The following KIF26B variants were observed in gnomAD, a reference collection of about 807,000 sequenced individuals.
The protein encoded by KIF26B is kinesin-like protein KIF26B.
Under a neutral mutation model 151.2 loss-of-function variants are expected in KIF26B, and 63 were observed. That is an observed-to-expected ratio of 0.42 (90% CI 0.34 to 0.51). The LOEUF (loss-of-function observed/expected upper bound fraction) is 0.51, where lower values mean the gene tolerates loss of function less well. Among genes scored for constraint, KIF26B ranks in the 20% least tolerant of loss-of-function variants. The pLI is 0.07. For missense variants in KIF26B, 2,813 were observed against 2,913.6 expected (o/e 0.97, Z 0.79); for synonymous variants, 1,357 against 1,262.1 (o/e 1.08, Z -1.59).
intron 3 of KIF26B, among the ~76,000 whole-genome samples, chr1:245,405,119 G>GCAT (rs1674103281): frequency 1.3e-5 from 2 of 152,228 alleles, no homozygotes; most frequent in Admixed American, 1.3e-4. Flanking sequence ...TCATGGGTCT[G>GCAT]GTGACGAGAT....
chr1:245,425,556 A>G (rs1756914), intron 4 of KIF26B, among the ~76,000 whole-genome samples: 1 of 151,968 alleles, frequency 6.6e-6, no homozygotes, highest in Non-Finnish European at 1.5e-5. Flanking sequence ...ACAGGCGTCC[A>G]ACACCACACC....
At chr1:245,222,570 C>T (rs1333622091) in intron 2 of KIF26B, among the ~76,000 whole-genome samples, 1 of 152,066 alleles carries the variant, frequency 6.6e-6, no homozygotes, top group Non-Finnish European at 1.5e-5. Flanking sequence ...ATAGAGCAGC[C>T]TTATTAAAAT....
At chr1:245,626,893 T>C (rs1255182396) in intron 9 of KIF26B, among the ~76,000 whole-genome samples, 2 of 152,214 alleles carry the variant, frequency 1.3e-5, no homozygotes, top group African/African-American at 2.4e-5. Flanking sequence ...TAATAAATTT[T>C]GAGTGGATTT....
At position 245,218,999 on chromosome 1, in the gene KIF26B, T is replaced by C. The variant is rs1364904692; in HGVS notation, c.465+62316T>C. 2.0e-5 allele frequency among the ~76,000 whole-genome samples: 3 copies of C among 152,040 alleles called. No homozygotes were observed. Among genetic ancestry groups the C allele is most frequent in the Non-Finnish European group, 4.4e-5 (3 of 68,018 alleles). On this transcript the variant is annotated intron_variant, in intron 2 of 14. Transcript: ENST00000407071. This position sits in a 1 kb window ranked among gnomAD's most constrained non-coding sequence, Gnocchi z 4.1. ...TGCCAGGAGGGAGCATCTGCCCCCA[T>C]CTACTCTCTGGGAAGATGTCCTCTC...
intron 4 of KIF26B, among the ~76,000 whole-genome samples, chr1:245,436,437 G>T (rs1295762719): frequency 6.6e-6 from 1 of 152,144 alleles, no homozygotes; most frequent in African/African-American, 2.4e-5. Context: ...GTTCAGAGAA[G>T]TAACTGCCCA....
intron 3 of KIF26B, among the ~76,000 whole-genome samples, chr1:245,390,025 T>C (rs984062766): frequency 6.6e-6 from 1 of 152,218 alleles, no homozygotes; most frequent in African/African-American, 2.4e-5. Context: ...TCCGACGCTA[T>C]CTGCCTTTTT....
At chr1:245,689,118 C>G (rs1310858550) in intron 12 of KIF26B, among the ~76,000 whole-genome samples, 1 of 152,206 alleles carries the variant, frequency 6.6e-6, no homozygotes, top group African/African-American at 2.4e-5. Flanking sequence ...CCGTGAATCC[C>G]TTGGCGCTCA....
At chr1:245,522,088 C>T (rs1230639278) in intron 4 of KIF26B, among the ~76,000 whole-genome samples, 1 of 152,112 alleles carries the variant, frequency 6.6e-6, no homozygotes, top group African/African-American at 2.4e-5. Flanking sequence ...CCAGGATGGT[C>T]TCGATCTCCT....
At chr1:245,216,233 C>T (rs1465927047) in intron 2 of KIF26B, 1 of 151,086 alleles carries the variant, frequency 6.6e-6, no homozygotes, top group Non-Finnish European at 1.5e-5. Context: ...ACAAAAACTT[C>T]AAAGATACAG....
intron 10 of KIF26B, among the ~76,000 whole-genome samples, chr1:245,661,511 A>G (rs1320274246): frequency 6.6e-6 from 1 of 151,692 alleles, no homozygotes; most frequent in Non-Finnish European, 1.5e-5. Flanking sequence ...TATACACCAT[A>G]TATATTATAT....
rs1572098848 is a variant in KIF26B at position 245,511,273 on chromosome 1, G to T, written c.1167-29494G>T. The T allele has an allele frequency of 1.9e-5, 12 of 618,268 alleles. No individual in the cohort carries two copies. The East Asian group carries it at 2.7e-4, about 14-fold the overall frequency. 38.3% of individuals were successfully genotyped at this position (618,268 alleles called of 1,614,324 possible). On this transcript the variant is annotated intron_variant, in intron 4 of 14. Coordinates refer to ENST00000407071, the MANE Select transcript of KIF26B (RefSeq NM_018012.4). ...TTTCAAAGAAGTTAGGAGGGTCCAG[G>T]TTGTGCAAGCTTTCTTCTTGTTCAA... is the stretch of plus-strand genomic sequence containing the variant.
chr1:245,461,393 C>T lies in KIF26B; in HGVS notation c.1166+41648C>T, dbSNP rs555202596. On this transcript the variant is annotated intron_variant, in intron 4 of 14. Transcript: ENST00000407071. ...ACCTCCCAGGCCCAAGCAATGCCCCCACCTCAGCCTCCCAGGTAGCTAGGA... is the reference window on the plus strand; with the variant it reads ...ACCTCCCAGGCCCAAGCAATGCCCCTACCTCAGCCTCCCAGGTAGCTAGGA... Among the ~76,000 whole-genome samples, 8 of 152,110 alleles carry T rather than the reference C, an allele frequency of 5.3e-5. No homozygotes were observed. The East Asian group carries it at 1.4e-3, about 26-fold the overall frequency.
At chr1:245,590,084 T>A (rs780305737) in intron 5 of KIF26B, among the ~76,000 whole-genome samples, 5 of 151,902 alleles carry the variant, frequency 3.3e-5, no homozygotes, top group Non-Finnish European at 7.4e-5. Flanking sequence ...GTGGGCCCTT[T>A]ATTAACAATA....
intron 9 of KIF26B, 50 bp from the exon 10 acceptor site, chr1:245,646,071 G>T (rs190757556): frequency 5.7e-6 from 9 of 1,585,666 alleles, no homozygotes; most frequent in Non-Finnish European, 7.8e-6. Flanking sequence ...GAACAGATGA[G>T]TGTTTGTCAG....
intron 2 of KIF26B, among the ~76,000 whole-genome samples, chr1:245,242,557 A>G (rs1000975781): frequency 1.3e-5 from 2 of 152,162 alleles, no homozygotes. Flanking sequence ...TGGCCTTTTC[A>G]CTCAATATGA....
intron 4 of KIF26B, among the ~76,000 whole-genome samples, chr1:245,530,608 A>G (rs1005538334): frequency 1.3e-5 from 2 of 152,212 alleles, no homozygotes; most frequent in Non-Finnish European, 2.9e-5. Flanking sequence ...ACATGTTTTT[A>G]TGTGTGCTGC....
chr1:245,668,012 C>G (rs1177886719), intron 10 of KIF26B, among the ~76,000 whole-genome samples: 1 of 152,230 alleles, frequency 6.6e-6, no homozygotes, highest in Non-Finnish European at 1.5e-5. Flanking sequence ...TCTCCTGCCT[C>G]AGCCTCCCAG....
chr1:245,672,904 A>AAATTCC (rs1410226988), intron 10 of KIF26B, among the ~76,000 whole-genome samples: 1 of 152,156 alleles, frequency 6.6e-6, no homozygotes, highest in Non-Finnish European at 1.5e-5. Context: ...CAATAAATAT[A>AAATTCC]AATTCCAATA....
intron 2 of KIF26B, among the ~76,000 whole-genome samples, chr1:245,327,142 G>A (rs533270963): frequency 1.3e-5 from 2 of 152,300 alleles, no homozygotes; most frequent in South Asian, 4.1e-4. Flanking sequence ...ACATGTTGCT[G>A]GCGCCCCTCC....
Sources: allele counts gnomAD v4.1 joint callset (sites outside exome capture counted in the v4.1 genomes callset), GRCh38; gene constraint gnomAD v4.1.1; non-coding constraint Gnocchi (gnomAD v3.1); transcripts MANE v1.5; gene names NCBI Gene and HGNC (gene_info 2026-07-23, HGNC 2026-07-21).